Variants in GRID1 observed in about 807,000 individuals in gnomAD.
GRID1 encodes glutamate ionotropic receptor delta type subunit 1.
GRID1 carries 28 observed loss-of-function variants against 98.0 expected under a neutral mutation model. The ratio of observed to expected loss-of-function variants is 0.29; its 90% CI spans 0.21 to 0.39. The LOEUF (loss-of-function observed/expected upper bound fraction) is 0.39, where lower values mean the gene tolerates loss of function less well. Among genes scored for constraint, GRID1 ranks in the 10% least tolerant of loss-of-function variants. The pLI, the probability that GRID1 is intolerant of heterozygous loss-of-function variation, is 1.00. For synonymous variants in GRID1, 553 were observed against 538.5 expected, an observed-to-expected ratio of 1.03 and a Z score of -0.37; for missense variants, 1,111 against 1,340.5, an observed-to-expected ratio of 0.83 and a Z score of 2.67.
At chr10:85,786,344 A>C (rs1026275344) in intron 8 of GRID1, among the ~76,000 whole-genome samples, 3 of 152,176 alleles carry the variant, frequency 2.0e-5, no homozygotes, top group African/African-American at 7.2e-5. Flanking sequence ...CTGTTCCCAA[A>C]AGGGTTTGTA....
intron 3 of GRID1, among the ~76,000 whole-genome samples, chr10:86,185,677 T>A (rs1564700724): frequency 6.6e-6 from 1 of 152,198 alleles, no homozygotes; most frequent in East Asian, 1.9e-4. Context: ...TTAACATAAC[T>A]GAATGTTGGA....
intron 2 of GRID1, among the ~76,000 whole-genome samples, chr10:86,329,039 ACCATATCCAAGAAGG>A (rs1848098346): frequency 6.6e-6 from 1 of 152,216 alleles, no homozygotes; most frequent in Non-Finnish European, 1.5e-5. Context: ...GGGCTGGGTG[ACCATATCCAAGAAGG>A]CCAGGAGGAA....
intron 12 of GRID1, among the ~76,000 whole-genome samples, chr10:85,662,826 A>G (rs943961851): frequency 1.3e-5 from 2 of 152,164 alleles, no homozygotes; most frequent in African/African-American, 2.4e-5. Flanking sequence ...CAAGCCGTTC[A>G]TGGGTCCCCA....
chr10:85,968,302 T>A (rs1842363304), intron 4 of GRID1, among the ~76,000 whole-genome samples: 1 of 151,928 alleles, frequency 6.6e-6, no homozygotes, highest in South Asian at 2.1e-4. Context: ...ATACAAAAAA[T>A]TTGCTGGGCC....
chr10:86,055,537 G>A (rs1843560882), intron 4 of GRID1, among the ~76,000 whole-genome samples: 1 of 152,138 alleles, frequency 6.6e-6, no homozygotes, highest in African/African-American at 2.4e-5. Context: ...GAGGTCAGGA[G>A]TTTGAGACCA....
At chr10:85,891,195 T>A (rs906053890) in intron 5 of GRID1, among the ~76,000 whole-genome samples, 1 of 152,212 alleles carries the variant, frequency 6.6e-6, no homozygotes, top group African/African-American at 2.4e-5. Flanking sequence ...TCATTTTTTT[T>A]ATCCCTGAGG....
intron 2 of GRID1, among the ~76,000 whole-genome samples, chr10:86,286,474 C>A (rs1295495807): frequency 1.3e-5 from 2 of 152,220 alleles, no homozygotes; most frequent in African/African-American, 2.4e-5. Flanking sequence ...GGGGGAACCA[C>A]CATGGGCTCC....
At chr10:85,967,900 G>C (rs1302007966) in intron 4 of GRID1, among the ~76,000 whole-genome samples, 1 of 152,142 alleles carries the variant, frequency 6.6e-6, no homozygotes, top group Non-Finnish European at 1.5e-5. Context: ...CGTCAGTCAA[G>C]AATTTTATAT....
intron 2 of GRID1, among the ~76,000 whole-genome samples, chr10:86,296,239 A>G (rs1322049311): frequency 6.6e-6 from 1 of 152,210 alleles, no homozygotes; most frequent in Admixed American, 6.5e-5. Flanking sequence ...ATGCTATGGT[A>G]TTATAGAAGA....
At chr10:85,647,573 G>T in intron 12 of GRID1, 176 bp from the exon 13 acceptor site, 1 of 596,994 alleles carries the variant, frequency 1.7e-6, no homozygotes, top group South Asian at 2.1e-5. Flanking sequence ...GACTTGCAGC[G>T]CCTCATTCAA....
In GRID1 at chr10:86,022,176, C is replaced by T. The variant is rs1159040615; in HGVS notation, c.727-105937G>A. 6.6e-5 allele frequency among the ~76,000 whole-genome samples: 10 copies of T among 152,098 alleles called. No individual in the cohort carries two copies. The East Asian group carries it at 7.7e-4, about 12-fold the overall frequency. On this transcript the variant is annotated intron_variant, in intron 4 of 15. Coordinates refer to ENST00000327946, the MANE Select transcript of GRID1 (RefSeq NM_017551.3). ...TTTACAGCATATCTTAATCTAAACG[C>T]TAAATTTTCATCAGAAATACTTGAT...
intron 8 of GRID1, among the ~76,000 whole-genome samples, chr10:85,824,456 C>T (rs1842800944): frequency 6.6e-6 from 1 of 152,228 alleles, no homozygotes; most frequent in Admixed American, 6.5e-5. Flanking sequence ...AAGTGATCTG[C>T]CCGCCTTGGC....
intron 3 of GRID1, among the ~76,000 whole-genome samples, chr10:86,177,783 T>A (rs1845597244): frequency 6.6e-6 from 1 of 151,820 alleles, no homozygotes; most frequent in South Asian, 2.1e-4. Flanking sequence ...TGTGCATGCA[T>A]TACAGAGAAA....
intron 8 of GRID1, among the ~76,000 whole-genome samples, chr10:85,779,999 G>A (rs1248664062): frequency 1.3e-5 from 2 of 152,210 alleles, no homozygotes; most frequent in African/African-American, 4.8e-5. Flanking sequence ...GCAGCACCAT[G>A]CAGATTCTCC....
chr10:85,776,835 G>GT (rs1842336138), intron 8 of GRID1, among the ~76,000 whole-genome samples: 1 of 152,186 alleles, frequency 6.6e-6, no homozygotes, highest in East Asian at 1.9e-4. Flanking sequence ...AATCTCTGCT[G>GT]TGTCCACTGA....
At chr10:86,276,867 A>G (rs12260758) in intron 2 of GRID1, among the ~76,000 whole-genome samples, 8,463 of 122,002 alleles carry the variant, frequency 0.069, 444 homozygotes, top group African/African-American at 0.15. Flanking sequence ...CAAGTGCTGG[A>G]AAAAAAAAAC....
intron 6 of GRID1, among the ~76,000 whole-genome samples, chr10:85,866,762 A>AAAT (rs1215071577): frequency 6.6e-6 from 1 of 152,182 alleles, no homozygotes; most frequent in Non-Finnish European, 1.5e-5. Flanking sequence ...AATGATAAAC[A>AAAT]AATAATAATA....
chr10:85,963,525 A>C (rs1000725977), intron 4 of GRID1, among the ~76,000 whole-genome samples: 1 of 151,976 alleles, frequency 6.6e-6, no homozygotes, highest in Non-Finnish European at 1.5e-5. Context: ...TTTCAAAAAA[A>C]CTCTAACCTC....
At chr10:85,858,562 C>T (rs1245921400) in intron 6 of GRID1, among the ~76,000 whole-genome samples, 1 of 152,186 alleles carries the variant, frequency 6.6e-6, no homozygotes, top group Non-Finnish European at 1.5e-5. Flanking sequence ...GTCTTCCTCC[C>T]CTCTGGAAAA....
Sources: gnomAD v4.1 joint callset for allele counts (sites outside exome capture counted in the v4.1 genomes callset) on GRCh38, gnomAD v4.1.1 for gene constraint, MANE v1.5 for transcripts, NCBI Gene and HGNC (gene_info 2026-07-23, HGNC 2026-07-21) for gene names.